MARCHF1: variants seen among roughly 807,000 people sequenced by gnomAD.
MARCHF1 encodes E3 ubiquitin-protein ligase MARCHF1.
In MARCHF1, 40 loss-of-function variants were observed where a neutral mutation model predicts 54.2. The ratio of observed to expected loss-of-function variants is 0.74; its 90% confidence interval spans 0.57 to 0.96. The LOEUF (loss-of-function observed/expected upper bound fraction) is 0.96, where lower values mean the gene tolerates loss of function less well. MARCHF1 is among the 40% of genes least tolerant of loss of function. MARCHF1 has a pLI of 0.00. For missense variants in MARCHF1, 586 were observed against 656.5 expected (o/e 0.89, Z 1.17); for synonymous variants, 236 against 236.3 (o/e 1.00, Z 0.01).
At chr4:164,021,375 T>G (rs1292671856) in intron 2 of MARCHF1, among the ~76,000 whole-genome samples, 2 of 152,204 alleles carry the variant, frequency 1.3e-5, no homozygotes, top group Non-Finnish European at 2.9e-5. Context: ...AATGGTGTCC[T>G]GCTGATACTA....
intron 1 of MARCHF1, among the ~76,000 whole-genome samples, chr4:164,294,337 T>C (rs1189561113): frequency 6.6e-6 from 1 of 152,196 alleles, no homozygotes; most frequent in Non-Finnish European, 1.5e-5. Context: ...ATTTATCTTA[T>C]ACCTCTAGAG....
At chr4:164,187,658 T>C (rs1731006429) in intron 1 of MARCHF1, among the ~76,000 whole-genome samples, 1 of 152,184 alleles carries the variant, frequency 6.6e-6, no homozygotes, top group South Asian at 2.1e-4. Flanking sequence ...TTGCTGCTGC[T>C]TAGGTTCTGC....
At chr4:163,818,205 A>G (rs1748595762) in intron 4 of MARCHF1, among the ~76,000 whole-genome samples, 1 of 152,058 alleles carries the variant, frequency 6.6e-6, no homozygotes, top group East Asian at 1.9e-4. Context: ...CTAATACTTT[A>G]TTTCTTTATA....
At chr4:163,657,991 C>T (rs1443273062) in intron 5 of MARCHF1, among the ~76,000 whole-genome samples, 1 of 148,962 alleles carries the variant, frequency 6.7e-6, no homozygotes, top group Non-Finnish European at 1.5e-5. Flanking sequence ...TCATTCAGGA[C>T]ATAGGCACAG....
chr4:164,274,038 T>G (rs1262920934), intron 1 of MARCHF1, among the ~76,000 whole-genome samples: 1 of 22,816 alleles, frequency 4.4e-5, no homozygotes, highest in Non-Finnish European at 2.7e-4. Context: ...AAAATCACTA[T>G]TTTTTTTTTT....
chr4:164,186,636 G>C (rs531528943), intron 1 of MARCHF1, among the ~76,000 whole-genome samples: 1 of 152,280 alleles, frequency 6.6e-6, no homozygotes, highest in African/African-American at 2.4e-5. Flanking sequence ...GCTCAGATCT[G>C]TCTTTCTGTA....
Position 164,319,660 on chromosome 4 carries a change from T to C in MARCHF1, c.-323+64210A>G, listed in dbSNP as rs181207270. Among the ~76,000 whole-genome samples, 10 of 152,264 alleles carry C rather than the reference T, an allele frequency of 6.6e-5. 1 individual carries two copies. In the East Asian group the frequency reaches 1.9e-3, roughly 29 times the overall value. On this transcript the variant is annotated intron_variant, in intron 1 of 9. Coordinates refer to ENST00000514618, the MANE Select transcript of MARCHF1 (RefSeq NM_001394959.1). ...TGTTTGAAAGAATTACTTTTCCTCT[T>C]TAGTTCAGATAATTTATTTAGTCGG...
chr4:163,984,195 T>C (rs1370665608), intron 3 of MARCHF1, among the ~76,000 whole-genome samples: 1 of 148,414 alleles, frequency 6.7e-6, no homozygotes, highest in Non-Finnish European at 1.5e-5. Context: ...GTAGAAGATC[T>C]TAAAAGGGAT....
chr4:163,927,795 T>C (rs1751567796), intron 3 of MARCHF1, among the ~76,000 whole-genome samples: 1 of 151,830 alleles, frequency 6.6e-6, no homozygotes, highest in Non-Finnish European at 1.5e-5. Flanking sequence ...TCTAAGATGA[T>C]AGATGTGATC....
chr4:164,007,700 T>A (rs1337109371), intron 2 of MARCHF1, among the ~76,000 whole-genome samples: 1 of 151,082 alleles, frequency 6.6e-6, no homozygotes, highest in Admixed American at 6.6e-5. Context: ...TTGCCCTGGT[T>A]TCTTTCTATT....
At chr4:164,280,264 T>C (rs375809305) in intron 1 of MARCHF1, among the ~76,000 whole-genome samples, 5 of 152,132 alleles carry the variant, frequency 3.3e-5, no homozygotes, top group East Asian at 1.9e-4. Flanking sequence ...GTCGTGAATA[T>C]AGCATAAAGC....
At chr4:164,149,658 G>A (rs1429901505) in intron 1 of MARCHF1, among the ~76,000 whole-genome samples, 1 of 151,994 alleles carries the variant, frequency 6.6e-6, no homozygotes. Flanking sequence ...TTTTAGATTC[G>A]GGTCAGTAGT....
intron 2 of MARCHF1, among the ~76,000 whole-genome samples, chr4:164,067,033 C>T (rs370775732): frequency 2.5e-3 from 166 of 66,966 alleles, no homozygotes; most frequent in African/African-American, 7.6e-3. Context: ...AAAAGTCTGA[C>T]GAAGGCTTTT....
At chr4:163,748,987 A>G (rs1318131324) in intron 4 of MARCHF1, among the ~76,000 whole-genome samples, 1 of 152,226 alleles carries the variant, frequency 6.6e-6, no homozygotes, top group Non-Finnish European at 1.5e-5. Flanking sequence ...AGAGCTACAT[A>G]TGATTGCCTT....
At chr4:163,882,491 TA>T (rs533009298) in intron 3 of MARCHF1, among the ~76,000 whole-genome samples, 1 of 152,234 alleles carries the variant, frequency 6.6e-6, no homozygotes, top group Non-Finnish European at 1.5e-5. Flanking sequence ...AATGTCTAAA[TA>T]ATTTACCCGA....
At chr4:164,017,996 C>T (rs181979091) in intron 2 of MARCHF1, among the ~76,000 whole-genome samples, 1 of 151,860 alleles carries the variant, frequency 6.6e-6, no homozygotes, top group African/African-American at 2.4e-5. Context: ...GAATACTTTC[C>T]ACACATATGC....
chr4:164,086,232 G>C (rs1221239716), intron 2 of MARCHF1, among the ~76,000 whole-genome samples: 1 of 151,548 alleles, frequency 6.6e-6, no homozygotes, highest in Non-Finnish European at 1.5e-5. Context: ...TTTATTTCCT[G>C]TATCAAAGAC....
At chr4:163,995,788 C>A (rs1267278548) in intron 2 of MARCHF1, among the ~76,000 whole-genome samples, 1 of 152,002 alleles carries the variant, frequency 6.6e-6, no homozygotes, top group Non-Finnish European at 1.5e-5. Context: ...GTTTTGACAT[C>A]ATTGAAGGCT....
intron 1 of MARCHF1, among the ~76,000 whole-genome samples, chr4:164,134,613 A>G (rs1184267734): frequency 2.0e-5 from 3 of 152,058 alleles, no homozygotes; most frequent in Non-Finnish European, 4.4e-5. Flanking sequence ...CCCTCACTCC[A>G]CAATATTCAA....
Sources: gnomAD v4.1 joint callset for allele counts (sites outside exome capture counted in the v4.1 genomes callset) on GRCh38, gnomAD v4.1.1 for gene constraint, MANE v1.5 for transcripts, NCBI Gene and HGNC (gene_info 2026-07-23, HGNC 2026-07-21) for gene names.